Variants in SRP19 observed in about 807,000 individuals in gnomAD.
SRP19 encodes the protein signal recognition particle 19, also known as signal recognition particle 19 kDa protein.
Under a neutral mutation model 22.4 loss-of-function variants are expected in SRP19, and 11 were observed. The observed-to-expected ratio is 0.49, with a 90% confidence interval of 0.31 to 0.81. The LOEUF is 0.81. Ranked by LOEUF, SRP19 falls within the 40% of genes least tolerant of loss-of-function variation. The pLI is 0.05. For synonymous variants in SRP19, 61 were observed against 57.6 expected, an observed-to-expected ratio of 1.06 and a Z score of -0.27; for missense variants, 168 against 175.9, an observed-to-expected ratio of 0.96 and a Z score of 0.25.
In SRP19 at chr5:112,867,846, A is replaced by G. The variant is rs1470712366; in HGVS notation, c.*309A>G. On this transcript the variant is annotated 3_prime_UTR_variant, in exon 5 of 5. Coordinates refer to ENST00000505459, the MANE Select transcript of SRP19 (RefSeq NM_003135.3). ...AATAAGTTGTTTCAGATAAATTTCA[A>G]TTAGATTTAAAATAAACATTTTGTC... is the stretch of plus-strand genomic sequence containing the variant. 8 of 1,037,556 alleles carry G rather than the reference A, an allele frequency of 7.7e-6. No individual in the cohort carries two copies. The Admixed American group carries it at 2.2e-4, about 28-fold the overall frequency. 64.3% of individuals were successfully genotyped at this position (1,037,556 alleles called of 1,614,324 possible).
downstream of SRP19, among the ~76,000 whole-genome samples, chr5:112,872,777 C>A (rs1767786179): frequency 6.6e-6 from 1 of 152,088 alleles, no homozygotes; most frequent in Admixed American, 6.6e-5. Flanking sequence ...GTTGTGTATC[C>A]CGTGTATTCC....
chr5:112,897,370 C>A (rs1008361399), downstream of SRP19: 6 of 151,104 alleles, frequency 4.0e-5, no homozygotes, highest in African/African-American at 1.5e-4. Context: ...CACACACACA[C>A]ACACACACAC....
chr5:112,867,875 CT>C lies in SRP19; in HGVS notation c.*342del. The C allele has an allele frequency of 1.0e-6, 1 of 998,110 alleles. No individual in the cohort carries two copies. The highest frequency in any genetic ancestry group is 1.2e-6 in the Non-Finnish European group (1 of 836,754). The allele number at this position is 998,110 out of a possible 1,614,324, so 61.8% of individuals were successfully genotyped here. ...GATTTAAAATAAACATTTTGTCCAC[CT>C]TTTAAGTTAATGAAATAAAATTTGA... On this transcript the variant is annotated 3_prime_UTR_variant, in exon 5 of 5. Transcript: ENST00000505459.
At chr5:112,892,339 G>A (rs756246625) in exon 5 of SRP19, 18 of 1,614,016 alleles carry the variant, frequency 1.1e-5, no homozygotes, top group Admixed American at 5.0e-5. Context: ...GGAGTACAGC[G>A]AGGAAGAAAC....
chr5:112,888,599 AACTT>A (rs1174972740), intron 4 of SRP19, among the ~76,000 whole-genome samples: 57 of 132,998 alleles, frequency 4.3e-4, no homozygotes, highest in East Asian at 2.0e-3. Context: ...AATTTTTTAT[AACTT>A]TTTTTTGTAG....
At position 112,878,702 on chromosome 5, in the gene SRP19, A is replaced by C. The variant is rs2150032365; in HGVS notation, c.302-12901A>C. On this transcript the variant is annotated intron_variant, in intron 4 of 4. Coordinates refer to the SRP19 transcript ENST00000391338. ...AATGTTTCCAAGGCAACATTATTAA[A>C]ATAATTATACCACAGTCCCTAATAT... 2.6e-6 allele frequency: 4 copies of C among 1,544,386 alleles called. No individual in the cohort carries two copies. The South Asian group carries it at 3.6e-5, about 14-fold the overall frequency.
chr5:112,878,691 A>C, intron 4 of SRP19: 1 of 1,526,934 alleles, frequency 6.5e-7, no homozygotes, highest in Non-Finnish European at 8.9e-7. Context: ...TTTCCAAGGC[A>C]ACATTATTAA....
intron 4 of SRP19, chr5:112,878,924 T>G: frequency 1.1e-5 from 17 of 1,572,110 alleles, no homozygotes; most frequent in Non-Finnish European, 1.4e-5. Flanking sequence ...ATGTAGCTAC[T>G]AGATAACAAA....
At chr5:112,885,836 A>T in intron 4 of SRP19, 1 of 199,726 alleles carries the variant, frequency 5.0e-6, no homozygotes. Context: ...AGCACCTCTC[A>T]GCCTTTTAGA....
At chr5:112,892,692 C>G in exon 5 of SRP19, 1 of 1,614,080 alleles carries the variant, frequency 6.2e-7, no homozygotes, top group Admixed American at 1.7e-5. Context: ...ATAGAGACAT[C>G]TACTTGTCTT....
intron 4 of SRP19, chr5:112,891,458 T>C (rs1768444810): frequency 1.4e-6 from 1 of 708,154 alleles, no homozygotes. Flanking sequence ...AAAGTCTAAC[T>C]GCAATATAAA....
intron 1 of SRP19, chr5:112,862,226 C>T (rs1194136885): frequency 6.3e-6 from 3 of 474,888 alleles, no homozygotes; most frequent in Non-Finnish European, 1.1e-5. Flanking sequence ...TTTAAATACC[C>T]TCTAGACGTT....
chr5:112,894,124 G>GTTTTTTTTTTTTT (rs199564515), downstream of SRP19: 1 of 141,748 alleles, frequency 7.1e-6, no homozygotes, highest in South Asian at 2.3e-4. Context: ...GGTTTTTTTT[G>GTTTTTTTTTTTTT]TTTTTTTTTT....
At chr5:112,885,150 G>T in intron 4 of SRP19, 1 of 169,726 alleles carries the variant, frequency 5.9e-6, no homozygotes, top group Non-Finnish European at 1.3e-5. Flanking sequence ...GGCCAGCTAG[G>T]CCCTGCTGCT....
downstream of SRP19, among the ~76,000 whole-genome samples, chr5:112,873,315 G>T (rs1285979812): frequency 1.2e-3 from 20 of 16,446 alleles, no homozygotes; most frequent in South Asian, 1.6e-3. Context: ...ATTTAGATTT[G>T]CTCAGCTTTA....
chr5:112,862,418 A>G (rs900122726), intron 1 of SRP19, 90 bp from the exon 2 acceptor site: 3 of 1,048,506 alleles, frequency 2.9e-6, no homozygotes, highest in African/African-American at 3.1e-5. Context: ...TCTAGGCAGC[A>G]TGAATTGGCC....
intron 4 of SRP19, among the ~76,000 whole-genome samples, chr5:112,885,980 TAC>T (rs1288906866): frequency 2.0e-5 from 3 of 152,246 alleles, no homozygotes; most frequent in Admixed American, 2.0e-4. Context: ...ACTGGATGTT[TAC>T]AGTGACTGTG....
At chr5:112,896,222 T>C (rs1168095946), downstream of SRP19, 1 of 152,564 alleles carries the variant, frequency 6.6e-6, no homozygotes, top group Non-Finnish European at 1.5e-5. Flanking sequence ...CCTACGAACA[T>C]TAAGAAGAAA....
intron 4 of SRP19, chr5:112,878,610 C>CTA (rs1329907179): frequency 9.7e-6 from 9 of 925,394 alleles, no homozygotes; most frequent in South Asian, 1.9e-5. Flanking sequence ...AAAGTGCTCC[C>CTA]TATATATATA....
Sources: gnomAD v4.1 joint callset for allele counts (sites outside exome capture counted in the v4.1 genomes callset) on GRCh38, gnomAD v4.1.1 for gene constraint, MANE v1.5 for transcripts, NCBI Gene and HGNC (gene_info 2026-07-23, HGNC 2026-07-21) for gene names.